ABL1: variants seen among roughly 807,000 people sequenced by gnomAD.
The protein encoded by ABL1 is tyrosine-protein kinase ABL1.
ABL1 carries 11 observed loss-of-function variants against 94.7 expected under a neutral mutation model. That is an observed-to-expected ratio of 0.12 (90% confidence interval 0.07 to 0.19). The LOEUF is 0.19. Ranked by LOEUF, ABL1 falls within the 10% of genes least tolerant of loss-of-function variation. ABL1 has a pLI of 1.00. For synonymous variants in ABL1, 656 were observed against 622.4 expected (o/e 1.05, Z -0.80); for missense variants, 1,082 against 1,489.4 (o/e 0.73, Z 4.50).
chr9:130,796,350 T>C (rs1049608790), intron 1 of ABL1, among the ~76,000 whole-genome samples: 2 of 151,994 alleles, frequency 1.3e-5, no homozygotes, highest in African/African-American at 4.8e-5. Context: ...TAGCGAAACC[T>C]CATCTCTACA....
chr9:130,734,218 C>CTTT (rs34635212), intron 1 of ABL1, among the ~76,000 whole-genome samples: 8 of 143,896 alleles, frequency 5.6e-5, no homozygotes, highest in African/African-American at 1.8e-4. Flanking sequence ...ATTGAATATT[C>CTTT]TTTTTTTTTT....
At chr9:130,756,399 A>C (rs574646739) in intron 1 of ABL1, among the ~76,000 whole-genome samples, 2 of 151,998 alleles carry the variant, frequency 1.3e-5, no homozygotes, top group South Asian at 4.2e-4. Flanking sequence ...TGTTGCAGCA[A>C]TCTTTAGATT....
chr9:130,716,172 G>A (rs955117257), intron 1 of ABL1, among the ~76,000 whole-genome samples: 3 of 138,550 alleles, frequency 2.2e-5, no homozygotes, highest in African/African-American at 7.9e-5. Flanking sequence ...TCGGCTCACT[G>A]TAACTTCTGC....
In ABL1 at chr9:130,879,060, A is replaced by G. The variant is rs1235156514; in HGVS notation, c.1423+493A>G. On this transcript the variant is annotated intron_variant, in intron 8 of 10. Coordinates refer to ENST00000318560, the MANE Select transcript of ABL1 (RefSeq NM_005157.6). ...GCCCGGCTAATTTTGTATTTTTAGT[A>G]GAGATGGGGTTTCTCCATGTTAGTC... Among the ~76,000 whole-genome samples, 3 of 151,958 alleles carry G rather than the reference A, an allele frequency of 2.0e-5. No individual in the cohort carries two copies. The East Asian group carries it at 5.8e-4, about 29-fold the overall frequency.
upstream of ABL1, chr9:130,834,860 T>C: frequency 2.2e-6 from 1 of 455,970 alleles, no homozygotes. Context: ...CAGAGGAATA[T>C]GCATTTTCAC....
intron 1 of ABL1, chr9:130,714,623 C>CGAAGTAACTT: frequency 1.1e-6 from 1 of 881,708 alleles, no homozygotes; most frequent in Non-Finnish European, 1.9e-6. Context: ...GAAAAAGTTA[C>CGAAGTAACTT]TTCGTGACTT....
chr9:130,748,169 A>G (rs1462394576), intron 1 of ABL1, among the ~76,000 whole-genome samples: 2 of 152,170 alleles, frequency 1.3e-5, no homozygotes, highest in Non-Finnish European at 2.9e-5. Flanking sequence ...TGAAAACCTC[A>G]TATCTTTTAA....
intron 1 of ABL1, among the ~76,000 whole-genome samples, chr9:130,765,898 G>C (rs754510602): frequency 6.6e-6 from 1 of 152,194 alleles, no homozygotes; most frequent in Non-Finnish European, 1.5e-5. Context: ...GTGGTGGCTT[G>C]GTGGAAAAAC....
Position 130,835,552 on chromosome 9 carries a change from T to G in ABL1, c.79+27T>G, listed in dbSNP as rs1424623631. Reference sequence around the variant, plus strand: ...TAAGCCCGGGCCGCACGGGTTGGGCTGAGTAGCCGCGCGCCCTCCCGCTGC... The same window carrying G: ...TAAGCCCGGGCCGCACGGGTTGGGCGGAGTAGCCGCGCGCCCTCCCGCTGC... On this transcript the variant is annotated intron_variant, in intron 1 of 10. Transcript: ENST00000318560. The surrounding 1 kb of genome is among the most constrained non-coding windows in gnomAD (Gnocchi z 4.6). 6.5e-7 allele frequency: 1 copy of G among 1,540,338 alleles called. No individual in the cohort carries two copies. The highest frequency in any genetic ancestry group is 2.1e-4 in the Middle Eastern group (1 of 4,854).
At chr9:130,801,715 T>C (rs527872667) in intron 1 of ABL1, among the ~76,000 whole-genome samples, 1 of 152,356 alleles carries the variant, frequency 6.6e-6, no homozygotes, top group African/African-American at 2.4e-5. Context: ...TTGCCCCTTA[T>C]AGATGTTTCA....
chr9:130,847,803 TCCTA>T (rs1457080019), intron 1 of ABL1, among the ~76,000 whole-genome samples: 1 of 152,174 alleles, frequency 6.6e-6, no homozygotes, highest in Non-Finnish European at 1.5e-5. Flanking sequence ...GCCCTTTCCT[TCCTA>T]ACAAAGGCCT....
intron 1 of ABL1, among the ~76,000 whole-genome samples, chr9:130,826,657 A>G (rs978461365): frequency 2.0e-5 from 3 of 152,194 alleles, no homozygotes; most frequent in African/African-American, 4.8e-5. Flanking sequence ...TGAGGCCTGA[A>G]GCTGAAATCA....
chr9:130,813,216 AAAAC>A lies in ABL1; in HGVS notation c.137-40836_137-40833del, dbSNP rs535895736. On this transcript the variant is annotated intron_variant, in intron 1 of 10. Transcript: ENST00000372348. ...GCAACAGTGAGACTCCGTCTCGAAA[AAAAC>A]AAACAAACAAAAGCCTCAGTGAATG... Among the ~76,000 whole-genome samples, 592 of 150,872 alleles carry A rather than the reference AAAAC, an allele frequency of 3.9e-3. 5 individuals are homozygous for A. The highest frequency in any genetic ancestry group is 3.8e-3 in the Non-Finnish European group (256 of 67,734).
At chr9:130,805,916 A>G (rs935207555) in intron 1 of ABL1, among the ~76,000 whole-genome samples, 1 of 152,204 alleles carries the variant, frequency 6.6e-6, no homozygotes, top group African/African-American at 2.4e-5. Context: ...TCTGAAGTTA[A>G]TGTGTGTTTT....
intron 3 of ABL1, among the ~76,000 whole-genome samples, chr9:130,860,871 G>A (rs1831060031): frequency 6.6e-6 from 1 of 152,182 alleles, no homozygotes; most frequent in Non-Finnish European, 1.5e-5. Context: ...GCTGACCCCA[G>A]GTCCCGCTCC....
intron 1 of ABL1, among the ~76,000 whole-genome samples, chr9:130,751,521 G>C (rs895552556): frequency 6.6e-6 from 1 of 152,112 alleles, no homozygotes; most frequent in African/African-American, 2.4e-5. Context: ...TGAAAAAGCA[G>C]GTTCTTGGTT....
Position 130,887,050 on chromosome 9 carries a change from G to T in ABL1, c.*1367G>T. 4.3e-6 allele frequency: 1 copy of T among 233,016 alleles called. No individual in the cohort carries two copies. Among genetic ancestry groups the T allele is most frequent in the Non-Finnish European group, 8.5e-6 (1 of 117,908 alleles). 14.4% of individuals were successfully genotyped at this position (233,016 alleles called of 1,614,324 possible). A position where few individuals can be genotyped will look rare whatever the true frequency, so the allele number is the denominator to read the frequency against. ...CCCAGGCCGGAGCCCAGATACGGGG[G>T]CTGTGACTCTGGGCAGGGACCCGGG... On this transcript the variant is annotated 3_prime_UTR_variant, in exon 11 of 11. Transcript: ENST00000318560.
intron 1 of ABL1, among the ~76,000 whole-genome samples, chr9:130,735,923 G>A (rs1483009718): frequency 1.7e-5 from 2 of 117,796 alleles, no homozygotes; most frequent in African/African-American, 7.5e-5. Flanking sequence ...GTGTGTGTAT[G>A]CATGTGTGTG....
At chr9:130,732,766 A>T (rs1446767247) in intron 1 of ABL1, among the ~76,000 whole-genome samples, 1 of 135,148 alleles carries the variant, frequency 7.4e-6, no homozygotes, top group Non-Finnish European at 1.5e-5. Context: ...AGCTAACATT[A>T]TAGGCACAGT....
Sources: allele counts gnomAD v4.1 joint callset (sites outside exome capture counted in the v4.1 genomes callset), GRCh38; gene constraint gnomAD v4.1.1; non-coding constraint Gnocchi (gnomAD v3.1); transcripts MANE v1.5; gene names NCBI Gene and HGNC (gene_info 2026-07-23, HGNC 2026-07-21).